Variants in KCNJ6 observed in about 807,000 individuals in gnomAD.
The protein encoded by KCNJ6 is potassium inwardly rectifying channel subfamily J member 6, also known as G protein-activated inward rectifier potassium channel 2.
Under a neutral mutation model 34.2 loss-of-function variants are expected in KCNJ6, and 9 were observed. The ratio of observed to expected loss-of-function variants is 0.26; its 90% CI spans 0.16 to 0.46. The LOEUF (loss-of-function observed/expected upper bound fraction) is 0.46, where lower values mean the gene tolerates loss of function less well. Ranked by LOEUF, KCNJ6 falls within the 20% of genes least tolerant of loss-of-function variation. The pLI is 1.00. For missense variants in KCNJ6, 236 were observed against 531.3 expected (o/e 0.44, Z 5.46); for synonymous variants, 196 against 207.1 (o/e 0.95, Z 0.46).
At chr21:37,815,639 C>A (rs2123547651) in intron 2 of KCNJ6, among the ~76,000 whole-genome samples, 1 of 152,294 alleles carries the variant, frequency 6.6e-6, no homozygotes, top group South Asian at 2.1e-4. Flanking sequence ...CTAATCCAGT[C>A]CACTTGGCCT....
At chr21:37,796,538 C>T (rs1413535314) in intron 2 of KCNJ6, among the ~76,000 whole-genome samples, 2 of 152,088 alleles carry the variant, frequency 1.3e-5, no homozygotes, top group East Asian at 1.9e-4. Flanking sequence ...GTCCTATTTG[C>T]AATCAAGTGC....
chr21:37,654,930 C>T (rs137945286), intron 3 of KCNJ6, among the ~76,000 whole-genome samples: 5 of 152,240 alleles, frequency 3.3e-5, no homozygotes, highest in African/African-American at 7.2e-5. Flanking sequence ...GCCTGTGGCC[C>T]GAGTCAATCA....
chr21:37,635,805 C>G (rs1043289023), intron 3 of KCNJ6, among the ~76,000 whole-genome samples: 3 of 152,256 alleles, frequency 2.0e-5, no homozygotes, highest in African/African-American at 7.2e-5. Context: ...GCATGCGCCA[C>G]CACACCCAGC....
chr21:37,661,248 T>C (rs1370981372), intron 3 of KCNJ6, among the ~76,000 whole-genome samples: 1 of 152,212 alleles, frequency 6.6e-6, no homozygotes, highest in African/African-American at 2.4e-5. Context: ...TGTGACTGTC[T>C]ATAATGACTA....
intron 3 of KCNJ6, among the ~76,000 whole-genome samples, chr21:37,647,170 CTTA>C (rs996984392): frequency 3.9e-5 from 6 of 152,126 alleles, no homozygotes; most frequent in African/African-American, 1.4e-4. Context: ...CATGACATCA[CTTA>C]TTATGCATGG....
intron 2 of KCNJ6, among the ~76,000 whole-genome samples, chr21:37,836,239 A>G (rs1341891819): frequency 1.3e-5 from 2 of 152,210 alleles, no homozygotes; most frequent in East Asian, 1.9e-4. Context: ...GTCAGGAAAC[A>G]ACAGATGCTA....
chr21:37,750,083 C>T (rs918678990), intron 2 of KCNJ6, among the ~76,000 whole-genome samples: 2 of 152,008 alleles, frequency 1.3e-5, no homozygotes. Flanking sequence ...AGCATAAAGC[C>T]ACATCAAAAG....
chr21:37,767,520 C>T (rs1385557398), intron 2 of KCNJ6, among the ~76,000 whole-genome samples: 1 of 152,180 alleles, frequency 6.6e-6, no homozygotes, highest in African/African-American at 2.4e-5. Flanking sequence ...CCACTGCCAA[C>T]CCTGAACTCT....
chr21:37,669,480 A>G (rs1054747853), intron 3 of KCNJ6, among the ~76,000 whole-genome samples: 1 of 152,162 alleles, frequency 6.6e-6, no homozygotes, highest in African/African-American at 2.4e-5. Context: ...AAAACAAAAC[A>G]GGGAAGCCTC....
At chr21:37,684,057 C>T (rs2054602254) in intron 3 of KCNJ6, among the ~76,000 whole-genome samples, 1 of 152,198 alleles carries the variant, frequency 6.6e-6, no homozygotes, top group Non-Finnish European at 1.5e-5. Flanking sequence ...ATCAAACTGC[C>T]CTATAATTGT....
intron 3 of KCNJ6, among the ~76,000 whole-genome samples, chr21:37,691,714 G>A (rs2054640563): frequency 6.6e-6 from 1 of 152,188 alleles, no homozygotes; most frequent in Non-Finnish European, 1.5e-5. Context: ...GTGGGATATA[G>A]TGAGACATGG....
At chr21:37,798,879 T>C (rs990830511) in intron 2 of KCNJ6, among the ~76,000 whole-genome samples, 5 of 152,158 alleles carry the variant, frequency 3.3e-5, no homozygotes, top group Non-Finnish European at 5.9e-5. Flanking sequence ...AATTGTACAA[T>C]TTAAATGGGT....
chr21:37,651,333 A>C (rs73904011), intron 3 of KCNJ6, among the ~76,000 whole-genome samples: 21,849 of 152,156 alleles, frequency 0.14, 2,406 homozygotes, highest in African/African-American at 0.3. Context: ...ACATCAATAA[A>C]CCAGCCTTCC....
At chr21:37,643,953 A>T (rs2054392557) in intron 3 of KCNJ6, among the ~76,000 whole-genome samples, 1 of 152,242 alleles carries the variant, frequency 6.6e-6, no homozygotes, top group Admixed American at 6.5e-5. Context: ...TATTCACAAT[A>T]GCAAAGACAT....
chr21:37,644,272 G>A (rs1372971541), intron 3 of KCNJ6, among the ~76,000 whole-genome samples: 1 of 152,068 alleles, frequency 6.6e-6, no homozygotes, highest in South Asian at 2.1e-4. Flanking sequence ...TAACCAATGG[G>A]TGTTAGGCTT....
chr21:37,778,124 G>C (rs2055151080), intron 2 of KCNJ6, among the ~76,000 whole-genome samples: 1 of 152,170 alleles, frequency 6.6e-6, no homozygotes, highest in Non-Finnish European at 1.5e-5. Context: ...AAAGAACTGT[G>C]TTTGATCTAT....
Position 37,714,320 on chromosome 21 carries a change from A to G in KCNJ6, c.837T>C (p.Ile279=), listed in dbSNP as rs1468532666. The part of the protein sequence containing the change: ...DRLFLVSPLI[I]SHEINQQSPF... The stretch of plus-strand genomic sequence containing the variant: ...GACTCTGTTGGTTAATTTCATGGCT[A>G]ATGATCAGCGGTGACACCAGAAACA... The change falls in exon 3 of 4, where the codon ATT becomes ATC. Residue 279 remains isoleucine, a synonymous_variant. Transcript: ENST00000609713. This position sits in a 1 kb window ranked among gnomAD's most constrained non-coding sequence, Gnocchi z 5.9. The G allele has an allele frequency of 1.9e-6, 3 of 1,614,052 alleles. No individual in the cohort carries two copies. The highest frequency in any genetic ancestry group is 2.5e-6 in the Non-Finnish European group (3 of 1,179,930).
At chr21:37,653,988 AC>A (rs957275007) in intron 3 of KCNJ6, among the ~76,000 whole-genome samples, 33 of 151,988 alleles carry the variant, frequency 2.2e-4, no homozygotes, top group African/African-American at 7.7e-4. Context: ...GAGTGTGGGG[AC>A]CCTAGAAAGT....
chr21:37,860,717 G>GACA (rs2055590703), intron 1 of KCNJ6, among the ~76,000 whole-genome samples: 1 of 151,348 alleles, frequency 6.6e-6, no homozygotes, highest in Non-Finnish European at 1.5e-5. Context: ...CTACCCCCCT[G>GACA]GAGTGGCTCT....
Sources: allele counts gnomAD v4.1 joint callset (sites outside exome capture counted in the v4.1 genomes callset), GRCh38; gene constraint gnomAD v4.1.1; non-coding constraint Gnocchi (gnomAD v3.1); transcripts MANE v1.5; gene names NCBI Gene and HGNC (gene_info 2026-07-23, HGNC 2026-07-21).